The following ZSWIM5 variants were observed in gnomAD, a reference collection of about 807,000 sequenced individuals.
The protein encoded by ZSWIM5 is zinc finger SWIM domain-containing protein 5.
ZSWIM5 carries 55 observed loss-of-function variants against 119.6 expected under a neutral mutation model. The ratio of observed to expected loss-of-function variants is 0.46; its 90% CI spans 0.37 to 0.58. The LOEUF (loss-of-function observed/expected upper bound fraction) is 0.58, where lower values mean the gene tolerates loss of function less well. ZSWIM5 is among the 20% of genes least tolerant of loss of function. The pLI is 0.00. For missense variants in ZSWIM5, 1,193 were observed against 1,512.8 expected (o/e 0.79, Z 3.51); for synonymous variants, 537 against 606.9 (o/e 0.88, Z 1.69).
intron 2 of ZSWIM5, among the ~76,000 whole-genome samples, chr1:45,075,161 T>C (rs1391236046): frequency 6.6e-6 from 1 of 152,034 alleles, no homozygotes; most frequent in Non-Finnish European, 1.5e-5. Context: ...ATCCATGTGC[T>C]GAGGAAAAGA....
At chr1:45,168,112 G>A (rs1645919362) in intron 1 of ZSWIM5, among the ~76,000 whole-genome samples, 2 of 152,076 alleles carry the variant, frequency 1.3e-5, no homozygotes, top group South Asian at 4.1e-4. Context: ...AAGAAAATGT[G>A]GCACATATAC....
At chr1:45,200,986 T>G (rs182822124) in intron 1 of ZSWIM5, among the ~76,000 whole-genome samples, 1 of 152,118 alleles carries the variant, frequency 6.6e-6, no homozygotes, top group African/African-American at 2.4e-5. Flanking sequence ...TTGTTGTGTA[T>G]GTGATTGAGA....
intron 1 of ZSWIM5, among the ~76,000 whole-genome samples, chr1:45,147,159 C>T (rs774285173): frequency 4.6e-5 from 7 of 151,850 alleles, no homozygotes; most frequent in South Asian, 2.1e-4. Context: ...ACTGCAACCT[C>T]TGCCTCTCAG....
Position 45,019,562 on chromosome 1 carries a change from C to T in ZSWIM5, c.2696-246G>A, listed in dbSNP as rs563338918. On this transcript the variant is annotated intron_variant, in intron 13 of 13. Transcript: ENST00000359600. The surrounding 1 kb of genome is among the most constrained non-coding windows in gnomAD (Gnocchi z 5.0). Reference sequence around the variant, plus strand: ...AAGGTTTCTGCAGGTGCTCTTAGCCCCTCACAAGGATGGGACAGTAGAGCC... The same window carrying T: ...AAGGTTTCTGCAGGTGCTCTTAGCCTCTCACAAGGATGGGACAGTAGAGCC... Among the ~76,000 whole-genome samples, 21 of 152,282 alleles carry T rather than the reference C, an allele frequency of 1.4e-4. No homozygotes were observed. Among genetic ancestry groups the T allele is most frequent in the African/African-American group, 4.8e-4 (20 of 41,542 alleles).
At position 45,018,253 on chromosome 1, in the gene ZSWIM5, CAG is replaced by C; in HGVS notation, c.*199_*200del. 1.5e-6 allele frequency: 1 copy of C among 659,820 alleles called. No homozygotes were observed. Among genetic ancestry groups the C allele is most frequent in the South Asian group, 2.0e-5 (1 of 50,268 alleles). 40.9% of individuals were successfully genotyped at this position (659,820 alleles called of 1,614,324 possible). The stretch of plus-strand genomic sequence containing the variant: ...CTGCAGGGCCCAGCTCCTCCATGAA[CAG>C]TAGGCTGTAGTCAGAAGCTTGCCAA... On this transcript the variant is annotated 3_prime_UTR_variant, in exon 14 of 14. Coordinates refer to ENST00000359600, the MANE Select transcript of ZSWIM5 (RefSeq NM_020883.2). The surrounding 1 kb of genome is among the most constrained non-coding windows in gnomAD (Gnocchi z 6.7).
At chr1:45,161,853 G>A (rs1297561116) in intron 1 of ZSWIM5, among the ~76,000 whole-genome samples, 1 of 152,122 alleles carries the variant, frequency 6.6e-6, no homozygotes, top group Non-Finnish European at 1.5e-5. Flanking sequence ...CAGCTTACTT[G>A]TAAGATAAAA....
At position 45,193,111 on chromosome 1, in the gene ZSWIM5, CAAAT is replaced by C. The variant is rs879602280; in HGVS notation, c.595+12641_595+12644del. Reference sequence around the variant, plus strand: ...TATCCACTTAGAAATATCTGGCAGGCAAATATATATGCTGATCTTTGGATTATTT... The same window carrying C: ...TATCCACTTAGAAATATCTGGCAGGCATATATGCTGATCTTTGGATTATTT... On this transcript the variant is annotated intron_variant, in intron 1 of 13. Transcript: ENST00000359600. 6.8e-3 allele frequency among the ~76,000 whole-genome samples: 1,033 copies of C among 152,148 alleles called. 10 individuals carry two copies. The highest frequency in any genetic ancestry group is 0.021 in the African/African-American group (879 of 41,494).
At chr1:45,020,258 T>C (rs1261685291) in intron 12 of ZSWIM5, 111 bp from the exon 13 acceptor site, 1 of 838,710 alleles carries the variant, frequency 1.2e-6, no homozygotes, top group African/African-American at 1.7e-5. Context: ...AACAGTGGTC[T>C]CTCCGCTGAT....
chr1:45,094,977 C>T (rs897271761), intron 1 of ZSWIM5, among the ~76,000 whole-genome samples: 3 of 152,136 alleles, frequency 2.0e-5, no homozygotes, highest in African/African-American at 7.2e-5. Flanking sequence ...CGTTTACCAA[C>T]TCCTTTCCTA....
chr1:45,132,356 C>T (rs1378305851), intron 1 of ZSWIM5, among the ~76,000 whole-genome samples: 1 of 151,978 alleles, frequency 6.6e-6, no homozygotes, highest in Non-Finnish European at 1.5e-5. Flanking sequence ...TCTGAAGTCC[C>T]GTCTAGTTCA....
chr1:45,086,220 T>G lies in ZSWIM5; in HGVS notation c.952+1661A>C, dbSNP rs539583201. Among the ~76,000 whole-genome samples, 6 of 152,234 alleles carry G rather than the reference T, an allele frequency of 3.9e-5. No homozygotes were observed. In the East Asian group the frequency reaches 1.2e-3, roughly 29 times the overall value. ...CTGGATCTTGTGAAAACTCACTCAT[T>G]ATCAGGAGAACAGAGAGGGGGAAAT... On this transcript the variant is annotated intron_variant, in intron 2 of 13. Coordinates refer to ENST00000359600, the MANE Select transcript of ZSWIM5 (RefSeq NM_020883.2).
At chr1:45,030,466 C>T (rs887467676) in intron 11 of ZSWIM5, among the ~76,000 whole-genome samples, 2 of 152,078 alleles carry the variant, frequency 1.3e-5, no homozygotes, top group Non-Finnish European at 2.9e-5. Context: ...AGGCTGGTCT[C>T]GAACTCCTAC....
chr1:45,145,360 A>AG (rs34530869), intron 1 of ZSWIM5, among the ~76,000 whole-genome samples: 1 of 151,062 alleles, frequency 6.6e-6, no homozygotes, highest in Non-Finnish European at 1.5e-5. Context: ...AAAAAAAAAA[A>AG]CTGGTTATCA....
intron 11 of ZSWIM5, among the ~76,000 whole-genome samples, chr1:45,031,767 G>T (rs373510285): frequency 6.6e-6 from 1 of 151,692 alleles, no homozygotes; most frequent in Non-Finnish European, 1.5e-5. Flanking sequence ...ATGAACCTAG[G>T]GGGTGGAGCT....
chr1:45,128,400 T>A (rs1404528679), intron 1 of ZSWIM5, among the ~76,000 whole-genome samples: 1 of 152,164 alleles, frequency 6.6e-6, no homozygotes, highest in African/African-American at 2.4e-5. Flanking sequence ...GGTCTCATTA[T>A]GTTGCCCAGG....
intron 1 of ZSWIM5, among the ~76,000 whole-genome samples, chr1:45,140,816 T>C (rs1368235010): frequency 6.6e-6 from 1 of 152,184 alleles, no homozygotes; most frequent in Non-Finnish European, 1.5e-5. Context: ...GCAGTAGTAT[T>C]TGAAGATGCT....
intron 1 of ZSWIM5, among the ~76,000 whole-genome samples, chr1:45,119,227 C>G (rs1380248645): frequency 2.0e-5 from 3 of 152,056 alleles, no homozygotes; most frequent in African/African-American, 7.2e-5. Flanking sequence ...TTCTTTTCCC[C>G]AAGTTTATAG....
At chr1:45,138,521 A>G (rs1314048949) in intron 1 of ZSWIM5, among the ~76,000 whole-genome samples, 11 of 151,802 alleles carry the variant, frequency 7.2e-5, no homozygotes, top group South Asian at 4.2e-4. Context: ...AAAAAAAAAA[A>G]AAAGAAAGGA....
chr1:45,044,739 A>AAG lies in ZSWIM5; in HGVS notation c.1433-1345_1433-1344insCT, dbSNP rs1557746322. 6.2e-4 allele frequency among the ~76,000 whole-genome samples: 8 copies of AAG among 12,802 alleles called. 2 individuals are homozygous for AAG. Among genetic ancestry groups the AAG allele is most frequent in the African/African-American group, 1.5e-3 (8 of 5,478 alleles). 8.4% of individuals were successfully genotyped at this position (12,802 alleles called of 152,430 possible). ...ACTCCGTCTCAAAAAAAAAAAAAAA[A>AAG]AAAAAAAATATATATATATATATAT... On this transcript the variant is annotated intron_variant, in intron 5 of 13. Transcript: ENST00000359600.
Sources: gnomAD v4.1 joint callset for allele counts (sites outside exome capture counted in the v4.1 genomes callset) on GRCh38, gnomAD v4.1.1 for gene constraint, Gnocchi (gnomAD v3.1) non-coding constraint, MANE v1.5 for transcripts, NCBI Gene and HGNC (gene_info 2026-07-23, HGNC 2026-07-21) for gene names.